NALF1: variants seen among roughly 807,000 people sequenced by gnomAD.
NALF1 encodes the protein NALCN channel auxiliary factor 1.
NALF1 carries 3 observed loss-of-function variants against 48.4 expected under a neutral mutation model. The ratio of observed to expected loss-of-function variants is 0.06; its 90% confidence interval spans 0.03 to 0.16. NALF1 has a LOEUF of 0.16. Among genes scored for constraint, NALF1 ranks in the 10% least tolerant of loss-of-function variants. The pLI is 1.00. For missense variants in NALF1, 526 were observed against 571.5 expected (o/e 0.92, Z 0.81); for synonymous variants, 262 against 245.7 (o/e 1.07, Z -0.62).
rs569600437 is a variant in NALF1 at position 107,700,931 on chromosome 13, C to T, written c.915+164751G>A. On this transcript the variant is annotated intron_variant, in intron 1 of 2. Coordinates refer to ENST00000375915, the MANE Select transcript of NALF1 (RefSeq NM_001080396.3). ...TCAAGGGAAATACAAATTAAAACTT[C>T]TATATCACCTTAAGCCCATTTGTAT... 2.7e-3 allele frequency among the ~76,000 whole-genome samples: 404 copies of T among 152,178 alleles called. 1 individual carries two copies. The highest frequency in any genetic ancestry group is 4.6e-3 in the Non-Finnish European group (316 of 67,988).
intron 1 of NALF1, among the ~76,000 whole-genome samples, chr13:107,355,389 T>A (rs17376172): frequency 0.047 from 7,136 of 152,274 alleles, 223 homozygotes; most frequent in African/African-American, 0.073. Context: ...CTTGGTCTTG[T>A]AATCCACTAA....
chr13:107,313,517 T>A (rs1882085375), intron 1 of NALF1, among the ~76,000 whole-genome samples: 1 of 152,072 alleles, frequency 6.6e-6, no homozygotes, highest in Admixed American at 6.6e-5. Flanking sequence ...CTCAAGATCT[T>A]TACCCTAAAA....
chr13:107,592,891 C>T (rs2138418682), intron 1 of NALF1, among the ~76,000 whole-genome samples: 1 of 151,960 alleles, frequency 6.6e-6, no homozygotes, highest in Admixed American at 6.6e-5. Flanking sequence ...TATACACATT[C>T]TTTATTTCTT....
rs554128004 is a variant in NALF1, at chr13:107,784,544, A to AAAAC, written c.915+81134_915+81137dup. ...AAAAAGAGGTTGCTCCAGTAGGAAA[A>AAAAC]AAACAAACAAACAAACAAACAATTC... On this transcript the variant is annotated intron_variant, in intron 1 of 2. Transcript: ENST00000375915. Among the ~76,000 whole-genome samples the AAAAC allele has an allele frequency of 2.9e-4, 44 of 152,282 alleles. No individual in the cohort carries two copies. The South Asian group carries it at 6.2e-3, about 22-fold the overall frequency.
intron 1 of NALF1, among the ~76,000 whole-genome samples, chr13:107,624,120 A>T (rs1879603991): frequency 6.6e-6 from 1 of 152,146 alleles, no homozygotes; most frequent in East Asian, 1.9e-4. Flanking sequence ...ATAGAGGAAA[A>T]ATCATCCTCA....
intron 1 of NALF1, among the ~76,000 whole-genome samples, chr13:107,836,768 G>T (rs957373018): frequency 3.3e-5 from 5 of 152,106 alleles, no homozygotes; most frequent in Non-Finnish European, 7.3e-5. Flanking sequence ...CTAATTTGTT[G>T]CTGAGATAAT....
At chr13:107,819,548 C>T (rs942965989) in intron 1 of NALF1, among the ~76,000 whole-genome samples, 2 of 152,166 alleles carry the variant, frequency 1.3e-5, no homozygotes, top group African/African-American at 4.8e-5. Flanking sequence ...ATTTATGTTC[C>T]TTTACTACTT....
At chr13:107,327,598 C>T (rs1402643943) in intron 1 of NALF1, among the ~76,000 whole-genome samples, 1 of 151,126 alleles carries the variant, frequency 6.6e-6, no homozygotes, top group Non-Finnish European at 1.5e-5. Context: ...ATAATTTCAG[C>T]TTGATGAAAC....
intron 1 of NALF1, among the ~76,000 whole-genome samples, chr13:107,325,220 A>G (rs1882329094): frequency 6.6e-6 from 1 of 152,206 alleles, no homozygotes; most frequent in Admixed American, 6.5e-5. Context: ...GCATAATCCA[A>G]TATCATATGC....
At chr13:107,566,331 A>C (rs1362430255) in intron 1 of NALF1, among the ~76,000 whole-genome samples, 4 of 152,228 alleles carry the variant, frequency 2.6e-5, no homozygotes, top group Non-Finnish European at 5.9e-5. Context: ...AAACATAAAT[A>C]GCTACCATAA....
At chr13:107,644,723 T>A (rs900363757) in intron 1 of NALF1, among the ~76,000 whole-genome samples, 1 of 148,036 alleles carries the variant, frequency 6.8e-6, no homozygotes, top group East Asian at 2.1e-4. Flanking sequence ...AAACTGTTCA[T>A]AGGTCTAAAA....
chr13:107,802,356 T>C (rs1594277805), intron 1 of NALF1, among the ~76,000 whole-genome samples: 1 of 152,162 alleles, frequency 6.6e-6, no homozygotes, highest in Non-Finnish European at 1.5e-5. Flanking sequence ...GTTTTATTTT[T>C]CCATTTACAG....
intron 1 of NALF1, among the ~76,000 whole-genome samples, chr13:107,477,946 C>T (rs1885197958): frequency 6.6e-6 from 1 of 152,078 alleles, no homozygotes; most frequent in South Asian, 2.1e-4. Context: ...TCAGCAGATG[C>T]CTTGCTTCAA....
At chr13:107,672,793 T>TA (rs1462302030) in intron 1 of NALF1, among the ~76,000 whole-genome samples, 1 of 152,228 alleles carries the variant, frequency 6.6e-6, no homozygotes, top group East Asian at 1.9e-4. Context: ...TTATCTGAGG[T>TA]AAAAAATTTT....
chr13:107,852,851 C>T (rs1880352185), intron 1 of NALF1, among the ~76,000 whole-genome samples: 1 of 152,186 alleles, frequency 6.6e-6, no homozygotes, highest in African/African-American at 2.4e-5. Flanking sequence ...ATGGAGATAG[C>T]ATTCCACTGA....
chr13:107,820,727 T>C (rs1175023233), intron 1 of NALF1, among the ~76,000 whole-genome samples: 2 of 152,232 alleles, frequency 1.3e-5, no homozygotes, highest in Non-Finnish European at 2.9e-5. Context: ...TAAATTGATA[T>C]TTCTGTCACA....
At chr13:107,182,762 C>A (rs2806495) in intron 2 of NALF1, among the ~76,000 whole-genome samples, 3,364 of 152,232 alleles carry the variant, frequency 0.022, 127 homozygotes, top group African/African-American at 0.078. Flanking sequence ...TTTTTGGCTA[C>A]AATCAGATGT....
At chr13:107,734,788 A>G (rs1160012857) in intron 1 of NALF1, among the ~76,000 whole-genome samples, 1 of 152,162 alleles carries the variant, frequency 6.6e-6, no homozygotes, top group Non-Finnish European at 1.5e-5. Flanking sequence ...GATGATGATG[A>G]TAACTACCAT....
intron 1 of NALF1, among the ~76,000 whole-genome samples, chr13:107,373,914 G>T (rs142970140): frequency 1.6e-3 from 243 of 152,218 alleles, no homozygotes; most frequent in African/African-American, 5.6e-3. Flanking sequence ...AAAATTATGA[G>T]ACTGCCCATG....
Sources: allele counts gnomAD v4.1 joint callset (sites outside exome capture counted in the v4.1 genomes callset), GRCh38; gene constraint gnomAD v4.1.1; transcripts MANE v1.5; gene names NCBI Gene and HGNC (gene_info 2026-07-23, HGNC 2026-07-21).